The following NECTIN1 variants were observed in gnomAD, a reference collection of about 807,000 sequenced individuals.
NECTIN1 encodes nectin-1.
A neutral mutation model predicts 48.0 loss-of-function variants in NECTIN1; 23 were observed. The observed-to-expected ratio is 0.48, with a 90% CI of 0.34 to 0.68. NECTIN1 has a LOEUF of 0.68. Ranked by LOEUF, NECTIN1 falls within the 30% of genes least tolerant of loss-of-function variation. The pLI is 0.01. For missense variants in NECTIN1, 591 were observed against 709.9 expected, an observed-to-expected ratio of 0.83 and a Z score of 1.90; for synonymous variants, 270 against 288.9, an observed-to-expected ratio of 0.93 and a Z score of 0.66.
chr11:119,681,893 C>T (rs1354048926), intron 1 of NECTIN1, among the ~76,000 whole-genome samples: 1 of 152,116 alleles, frequency 6.6e-6, no homozygotes, highest in Non-Finnish European at 1.5e-5. Flanking sequence ...TTGGTATTTG[C>T]CTCTTTGCTA....
At chr11:119,722,072 GATCTTTTC>G (rs1381154722) in intron 1 of NECTIN1, among the ~76,000 whole-genome samples, 2 of 152,202 alleles carry the variant, frequency 1.3e-5, no homozygotes, top group African/African-American at 4.8e-5. Context: ...GTCCATTCCC[GATCTTTTC>G]ATCCTTCTGG....
chr11:119,723,613 C>T (rs1865866514), intron 1 of NECTIN1, among the ~76,000 whole-genome samples: 2 of 152,308 alleles, frequency 1.3e-5, no homozygotes, highest in East Asian at 1.9e-4. Flanking sequence ...GTGTCCATCT[C>T]GGGTCTCTCC....
intron 1 of NECTIN1, among the ~76,000 whole-genome samples, chr11:119,708,881 C>A (rs1865590322): frequency 2.0e-5 from 3 of 152,062 alleles, no homozygotes; most frequent in Admixed American, 2.0e-4. Context: ...GCCTGCAGCA[C>A]CCCCAAGCGT....
At chr11:119,675,098 G>A in intron 5 of NECTIN1, 61 bp downstream of exon 5, 2 of 1,580,548 alleles carry the variant, frequency 1.3e-6, no homozygotes, top group African/African-American at 1.3e-5. Flanking sequence ...CAAAGGTGAG[G>A]GATGCAGGTG....
downstream of NECTIN1, among the ~76,000 whole-genome samples, chr11:119,660,255 C>G (rs1192297604): frequency 6.6e-6 from 1 of 152,110 alleles, no homozygotes; most frequent in East Asian, 1.9e-4. Flanking sequence ...GTCTCTGAAG[C>G]CCCTGCCACT....
At chr11:119,690,238 C>T (rs577812425) in intron 1 of NECTIN1, among the ~76,000 whole-genome samples, 2 of 152,286 alleles carry the variant, frequency 1.3e-5, no homozygotes, top group South Asian at 4.1e-4. Context: ...TCTCAGGTGG[C>T]ACAACCATGG....
chr11:119,717,776 G>A (rs566524551), intron 1 of NECTIN1, among the ~76,000 whole-genome samples: 3 of 152,274 alleles, frequency 2.0e-5, no homozygotes, highest in Non-Finnish European at 2.9e-5. Flanking sequence ...CTGCAGGCCC[G>A]GGGGTAGGGG....
rs1864681807 is a variant in NECTIN1 at position 119,662,372 on chromosome 11, C to T, written c.*2375G>A. The T allele has an allele frequency of 5.1e-6, 5 of 985,716 alleles. No homozygotes were observed. Among genetic ancestry groups the T allele is most frequent in the East Asian group, 1.1e-4 (1 of 8,804 alleles). 61.1% of individuals were successfully genotyped at this position (985,716 alleles called of 1,614,324 possible). ...CCCTCAGCCCAGGCTGGCAGCTGCT[C>T]GGTGGGTATGCTGAGGCTGGGCCCC... On this transcript the variant is annotated 3_prime_UTR_variant, in exon 6 of 6. Coordinates refer to ENST00000264025, the MANE Select transcript of NECTIN1 (RefSeq NM_002855.5). The surrounding 1 kb of genome is among the most constrained non-coding windows in gnomAD (Gnocchi z 5.3).
chr11:119,640,901 A>G (rs7944565), intron 5 of NECTIN1: 142,688 of 152,280 alleles, frequency 0.94, 67,555 homozygotes, highest in East Asian at 1. Context: ...CTCCACTACC[A>G]TATTACATAT....
chr11:119,658,550 C>T (rs1864612507), downstream of NECTIN1, among the ~76,000 whole-genome samples: 4 of 152,170 alleles, frequency 2.6e-5, no homozygotes, highest in African/African-American at 2.4e-5. Context: ...CTGGCACTCC[C>T]CTCAAGCATT....
At chr11:119,698,141 T>C (rs1865374159) in intron 1 of NECTIN1, among the ~76,000 whole-genome samples, 1 of 152,186 alleles carries the variant, frequency 6.6e-6, no homozygotes, top group Non-Finnish European at 1.5e-5. Flanking sequence ...TGGCAAAGGC[T>C]CCCAAGTGGA....
intron 1 of NECTIN1, among the ~76,000 whole-genome samples, chr11:119,703,548 C>T (rs1380120062): frequency 6.6e-6 from 1 of 152,116 alleles, no homozygotes; most frequent in Non-Finnish European, 1.5e-5. Flanking sequence ...CCAAGAGCTC[C>T]CCAGGAGCAA....
chr11:119,638,240 T>G (rs1344751207), exon 8 of NECTIN1: 1 of 1,613,990 alleles, frequency 6.2e-7, no homozygotes, highest in East Asian at 2.2e-5. Flanking sequence ...TGGGTCCAGG[T>G]GGACAACCTG....
chr11:119,680,206 C>G (rs1389275553), intron 1 of NECTIN1, among the ~76,000 whole-genome samples: 2 of 152,190 alleles, frequency 1.3e-5, no homozygotes, highest in East Asian at 1.9e-4. Flanking sequence ...TACCCCTGAA[C>G]TTGGCTCAGC....
chr11:119,724,941 A>T (rs1208561412), intron 1 of NECTIN1, among the ~76,000 whole-genome samples: 1 of 152,074 alleles, frequency 6.6e-6, no homozygotes, highest in Non-Finnish European at 1.5e-5. Context: ...TGTTTTTTTT[A>T]AATCAGCAAA....
chr11:119,722,728 C>T (rs772624984), intron 1 of NECTIN1, among the ~76,000 whole-genome samples: 1 of 152,178 alleles, frequency 6.6e-6, no homozygotes, highest in Non-Finnish European at 1.5e-5. Flanking sequence ...GCTGGGGACA[C>T]GGGAAGTGAG....
chr11:119,650,655 G>C (rs1864477727), intron 5 of NECTIN1, among the ~76,000 whole-genome samples: 1 of 152,212 alleles, frequency 6.6e-6, no homozygotes, highest in Non-Finnish European at 1.5e-5. Context: ...AGAGTGGTTA[G>C]AGACACGGAT....
At position 119,691,380 on chromosome 11, in the gene NECTIN1, T is replaced by G. The variant is rs544535122; in HGVS notation, c.80-12615A>C. On this transcript the variant is annotated intron_variant, in intron 1 of 5. Coordinates refer to ENST00000264025, the MANE Select transcript of NECTIN1 (RefSeq NM_002855.5). ...CACAGTTCACAGTTTTCTTTCCACC[T>G]GAGAGTCCCCCATCCTGAGGTGGGC... Among the ~76,000 whole-genome samples the G allele has an allele frequency of 3.3e-5, 5 of 152,336 alleles. No homozygotes were observed. The South Asian group carries it at 1.0e-3, about 32-fold the overall frequency.
intron 5 of NECTIN1, among the ~76,000 whole-genome samples, chr11:119,650,235 C>T (rs1409772743): frequency 1.3e-5 from 2 of 152,070 alleles, no homozygotes; most frequent in East Asian, 3.9e-4. Flanking sequence ...AGGCAGGAAC[C>T]GGCCATCTGG....
Sources: allele counts gnomAD v4.1 joint callset (sites outside exome capture counted in the v4.1 genomes callset), GRCh38; gene constraint gnomAD v4.1.1; non-coding constraint Gnocchi (gnomAD v3.1); transcripts MANE v1.5; gene names NCBI Gene and HGNC (gene_info 2026-07-23, HGNC 2026-07-21).